The following PRR11 variants were observed in gnomAD, a reference collection of about 807,000 sequenced individuals.
The protein encoded by PRR11 is proline-rich protein 11.
PRR11 carries 30 observed loss-of-function variants against 45.6 expected under a neutral mutation model. The ratio of observed to expected loss-of-function variants is 0.66; its 90% CI spans 0.49 to 0.89. The LOEUF is 0.89. Among genes scored for constraint, PRR11 ranks in the 40% least tolerant of loss-of-function variants. PRR11 has a pLI of 0.00. For synonymous variants in PRR11, 128 were observed against 153.5 expected, an observed-to-expected ratio of 0.83 and a Z score of 1.23; for missense variants, 373 against 424.8, an observed-to-expected ratio of 0.88 and a Z score of 1.07.
intron 2 of PRR11, among the ~76,000 whole-genome samples, chr17:59,177,483 G>A (rs2147843335): frequency 6.6e-6 from 1 of 152,244 alleles, no homozygotes; most frequent in East Asian, 1.9e-4. Context: ...AGGATGGTGG[G>A]CTCTGATGAG....
chr17:59,178,209 CT>C (rs1194776528), intron 2 of PRR11, among the ~76,000 whole-genome samples: 1 of 152,170 alleles, frequency 6.6e-6, no homozygotes, highest in African/African-American at 2.4e-5. Flanking sequence ...TGGTGCATGC[CT>C]GTAATCCCAG....
rs2046910947 is a variant in PRR11, at chr17:59,204,887, G to A, written c.*3256G>A. On this transcript the variant is annotated 3_prime_UTR_variant, in exon 10 of 10. Transcript: ENST00000262293. ...CTACAAAAAACGAAAAATTAGCCGG[G>A]AGCGGTGATGTGTGCCTGTAGTCCC... Among the ~76,000 whole-genome samples the A allele has an allele frequency of 6.6e-6, 1 of 152,014 alleles. No homozygotes were observed. Among genetic ancestry groups the A allele is most frequent in the South Asian group, 2.1e-4 (1 of 4,826 alleles).
chr17:59,193,517 C>T lies in PRR11; in HGVS notation c.428C>T (p.Pro143Leu), dbSNP rs1173784845. ...ACCATCTCAGAAAGTTCTTCCTGTC[C>T]AAGCTGTGGTCAAACATGTCACATG... ...LKTISESSSC[P>L]SCGQTCHMSG... Residue 143 changes from proline (P) to leucine (L), a missense_variant, in exon 5 of 10, where the codon CCA (proline) becomes CTA (leucine). By Grantham distance (98) the Pro-to-Leu change is moderately conservative. Coordinates refer to ENST00000262293, the MANE Select transcript of PRR11 (RefSeq NM_018304.4). 2 of 1,613,988 alleles carry T rather than the reference C, an allele frequency of 1.2e-6. No homozygotes were observed. Among genetic ancestry groups the T allele is most frequent in the Admixed American group, 1.7e-5 (1 of 59,976 alleles).
chr17:59,169,286 C>CG, intron 1 of PRR11, among the ~76,000 whole-genome samples: 1 of 151,698 alleles, frequency 6.6e-6, no homozygotes, highest in Non-Finnish European at 1.5e-5. Context: ...TTAGTAGAGA[C>CG]GGGGTTTCTC....
intron 7 of PRR11, among the ~76,000 whole-genome samples, chr17:59,196,395 G>T (rs2046866172): frequency 6.6e-6 from 1 of 151,502 alleles, no homozygotes; most frequent in African/African-American, 2.4e-5. Context: ...TTTATTTTTT[G>T]AGATGGAGTC....
intron 2 of PRR11, among the ~76,000 whole-genome samples, chr17:59,173,914 G>A (rs1449722063): frequency 1.3e-5 from 2 of 152,216 alleles, no homozygotes; most frequent in African/African-American, 2.4e-5. Flanking sequence ...TGGATCCGGT[G>A]TTCTGGAAGT....
intron 4 of PRR11, among the ~76,000 whole-genome samples, chr17:59,188,720 C>A (rs2046826056): frequency 6.6e-6 from 1 of 152,018 alleles, no homozygotes; most frequent in Non-Finnish European, 1.5e-5. Flanking sequence ...GGATGGATCA[C>A]TTGAGGCCAG....
In PRR11 at chr17:59,202,917, C is replaced by T. The variant is rs1325425364; in HGVS notation, c.*1286C>T. 6.6e-6 allele frequency: 1 copy of T among 152,038 alleles called. No individual in the cohort carries two copies. The highest frequency in any genetic ancestry group is 1.5e-5 in the Non-Finnish European group (1 of 68,020). 9.4% of individuals were successfully genotyped at this position (152,038 alleles called of 1,614,324 possible). A position where few individuals can be genotyped will look rare whatever the true frequency, so the allele number is the denominator to read the frequency against. ...GACGCACACCTGTAGTCTAAGTGTC[C>T]AAGTTACTTGTGAAGCTGAGGTGGG... On this transcript the variant is annotated 3_prime_UTR_variant, in exon 10 of 10. Coordinates refer to ENST00000262293, the MANE Select transcript of PRR11 (RefSeq NM_018304.4).
chr17:59,167,388 A>G (rs1294551589), intron 1 of PRR11, among the ~76,000 whole-genome samples: 4 of 152,184 alleles, frequency 2.6e-5, no homozygotes, highest in Non-Finnish European at 4.4e-5. Flanking sequence ...GTGCCATAGA[A>G]CACTAGAACT....
chr17:59,174,432 C>T (rs1392405290), intron 2 of PRR11, among the ~76,000 whole-genome samples: 1 of 152,184 alleles, frequency 6.6e-6, no homozygotes, highest in African/African-American at 2.4e-5. Context: ...CGACCCAAAT[C>T]GGTAACTCAA....
chr17:59,203,034 T>C lies in PRR11; in HGVS notation c.*1403T>C, dbSNP rs2046900126. 1 of 152,076 alleles carries C rather than the reference T, an allele frequency of 6.6e-6. No individual in the cohort carries two copies. Among genetic ancestry groups the C allele is most frequent in the Non-Finnish European group, 1.5e-5 (1 of 68,002 alleles). 9.4% of individuals were successfully genotyped at this position (152,076 alleles called of 1,614,324 possible). The stretch of plus-strand genomic sequence containing the variant: ...TGGCAACAGAGCAAGAACTCATCTC[T>C]AAAAAGTAAAAAGCAACTCCCCAGA... On this transcript the variant is annotated 3_prime_UTR_variant, in exon 10 of 10. Transcript: ENST00000262293.
chr17:59,195,165 T>G (rs1380705016), intron 6 of PRR11, among the ~76,000 whole-genome samples, 166 bp from the exon 7 acceptor site: 1 of 152,186 alleles, frequency 6.6e-6, no homozygotes, highest in Non-Finnish European at 1.5e-5. Context: ...CAACCCTTAG[T>G]CTGAAGAGGT....
At chr17:59,168,549 G>C (rs894102737) in intron 1 of PRR11, among the ~76,000 whole-genome samples, 1 of 152,014 alleles carries the variant, frequency 6.6e-6, no homozygotes, top group Non-Finnish European at 1.5e-5. Flanking sequence ...TACGCCACCA[G>C]TGTGGTGGCG....
chr17:59,179,992 TCTCC>T, intron 2 of PRR11: 1 of 1,080,822 alleles, frequency 9.3e-7, no homozygotes, highest in Non-Finnish European at 1.3e-6. Context: ...ACTGCTGGCT[TCTCC>T]AAGCCATCTT....
chr17:59,162,213 G>GACAC (rs58983044), intron 1 of PRR11, among the ~76,000 whole-genome samples: 2,181 of 139,540 alleles, frequency 0.016, 31 homozygotes, highest in African/African-American at 0.033. Flanking sequence ...ACCCAAGTCA[G>GACAC]ACACACACAC....
intron 4 of PRR11, 119 bp downstream of exon 4, chr17:59,185,681 G>A (rs570997938): frequency 2.7e-5 from 25 of 941,144 alleles, no homozygotes; most frequent in South Asian, 3.6e-5. Flanking sequence ...AACATTAAGC[G>A]AAAAAGTTTT....
chr17:59,185,689 T>C lies in PRR11; in HGVS notation c.402+127T>C, dbSNP rs538227855. 4 of 870,976 alleles carry C rather than the reference T, an allele frequency of 4.6e-6. No homozygotes were observed. In the African/African-American group the frequency reaches 6.8e-5, roughly 15 times the overall value. The allele number at this position is 870,976 out of a possible 1,614,324, so 54.0% of individuals were successfully genotyped here. A position where few individuals can be genotyped will look rare whatever the true frequency, so the allele number is the denominator to read the frequency against. On this transcript the variant is annotated intron_variant, in intron 4 of 9. Transcript: ENST00000262293. ...TATCTCAAACATTAAGCGAAAAAGT[T>C]TTCTTTGTTAGCAAGGAATACAAAG...
At chr17:59,193,090 T>C (rs1306617951) in intron 4 of PRR11, among the ~76,000 whole-genome samples, 1 of 152,214 alleles carries the variant, frequency 6.6e-6, no homozygotes. Context: ...TGTGCATGTT[T>C]GTTTGAGATG....
chr17:59,191,029 C>T (rs2046838389), intron 4 of PRR11, among the ~76,000 whole-genome samples: 1 of 152,132 alleles, frequency 6.6e-6, no homozygotes, highest in Non-Finnish European at 1.5e-5. Flanking sequence ...CCTCAAGCTC[C>T]AGGTCACCTG....
Sources: gnomAD v4.1 joint callset for allele counts (sites outside exome capture counted in the v4.1 genomes callset) on GRCh38, gnomAD v4.1.1 for gene constraint, MANE v1.5 for transcripts, NCBI Gene and HGNC (gene_info 2026-07-23, HGNC 2026-07-21) for gene names.